Variants in PLCB4 observed in about 807,000 individuals in gnomAD.
PLCB4 encodes 1-phosphatidylinositol 4,5-bisphosphate phosphodiesterase beta-4.
Under a neutral mutation model 178.8 loss-of-function variants are expected in PLCB4, and 77 were observed. That is an observed-to-expected ratio of 0.43 (90% CI 0.36 to 0.52). PLCB4 has a LOEUF of 0.52. PLCB4 is among the 20% of genes least tolerant of loss of function. PLCB4 has a pLI of 0.00. For synonymous variants in PLCB4, 496 were observed against 490.8 expected (o/e 1.01, Z -0.14); for missense variants, 1,024 against 1,453.4 (o/e 0.70, Z 4.80).
intron 2 of PLCB4, among the ~76,000 whole-genome samples, chr20:9,097,946 C>A (rs750968522): frequency 1.3e-5 from 2 of 152,052 alleles, no homozygotes; most frequent in Non-Finnish European, 2.9e-5. Context: ...TAGAGCCACC[C>A]GTGTAAATTT....
At chr20:9,459,366 A>AC (rs2122436675) in intron 34 of PLCB4, among the ~76,000 whole-genome samples, 1 of 151,894 alleles carries the variant, frequency 6.6e-6, no homozygotes, top group Non-Finnish European at 1.5e-5. Flanking sequence ...AAACAAACAA[A>AC]AAACAAAACA....
intron 7 of PLCB4, among the ~76,000 whole-genome samples, chr20:9,350,130 T>G (rs2034195891): frequency 6.6e-6 from 1 of 152,060 alleles, no homozygotes; most frequent in Non-Finnish European, 1.5e-5. Context: ...TTTACATTTT[T>G]GAAGCGATGT....
At chr20:9,256,313 C>T (rs1250206051) in intron 3 of PLCB4, among the ~76,000 whole-genome samples, 2 of 152,136 alleles carry the variant, frequency 1.3e-5, no homozygotes, top group African/African-American at 4.8e-5. Flanking sequence ...AGTTGATGAG[C>T]CTTCACCCTG....
At chr20:9,444,540 A>G (rs1218612424) in intron 32 of PLCB4, among the ~76,000 whole-genome samples, 1 of 152,176 alleles carries the variant, frequency 6.6e-6, no homozygotes, top group Admixed American at 6.5e-5. Context: ...CAAGGTGGGT[A>G]GAATAGGATG....
chr20:9,414,380 G>A (rs1403466800), intron 25 of PLCB4, among the ~76,000 whole-genome samples: 1 of 152,186 alleles, frequency 6.6e-6, no homozygotes, highest in Non-Finnish European at 1.5e-5. Context: ...TGTGGGGCCC[G>A]GTGCTGCACA....
At chr20:9,391,461 C>T (rs1377952883) in intron 17 of PLCB4, among the ~76,000 whole-genome samples, 2 of 152,074 alleles carry the variant, frequency 1.3e-5, no homozygotes, top group Non-Finnish European at 2.9e-5. Flanking sequence ...GAGGTAGTGG[C>T]AGAAGAACAT....
Position 9,407,995 on chromosome 20 carries a change from T to C in PLCB4, c.1726T>C (p.Tyr576His). The C allele has an allele frequency of 1.2e-6, 2 of 1,613,354 alleles. No individual in the cohort carries two copies. Among genetic ancestry groups the C allele is most frequent in the Non-Finnish European group, 8.5e-7 (1 of 1,179,258 alleles). ...YVGATTNIHPYLSTMINYAQP... is the reference protein window; with the variant it reads ...YVGATTNIHPHLSTMINYAQP... ...AGGTGCTACCACTAATATCCATCCA[T>C]ATTTGTCCACAATGATCAACTACGC... Residue 576 changes from tyrosine (Y) to histidine (H), a missense_variant, in exon 22 of 40, where the codon TAT becomes CAT. Around this residue, in one of 7 missense-constraint regions of PLCB4, gnomAD observed 263 missense variants for 417.4 expected, o/e 0.63. Transcript: ENST00000378473.
chr20:9,244,569 G>T (rs1366535314), intron 3 of PLCB4, among the ~76,000 whole-genome samples: 1 of 152,204 alleles, frequency 6.6e-6, no homozygotes, highest in Non-Finnish European at 1.5e-5. Context: ...GTCTACGTGT[G>T]ATTGAAGTGT....
intron 7 of PLCB4, among the ~76,000 whole-genome samples, chr20:9,357,354 T>A (rs1188823743): frequency 1.3e-5 from 2 of 152,206 alleles, no homozygotes; most frequent in Non-Finnish European, 2.9e-5. Context: ...GTTTCCATTC[T>A]AGTGAACACA....
chr20:9,376,544 A>G (rs1040286946), intron 12 of PLCB4, among the ~76,000 whole-genome samples: 5 of 152,166 alleles, frequency 3.3e-5, no homozygotes, highest in African/African-American at 1.2e-4. Flanking sequence ...ACTAGAGTCC[A>G]GGAGGGATAG....
chr20:9,345,131 G>A (rs2033662395), intron 7 of PLCB4, among the ~76,000 whole-genome samples: 1 of 152,208 alleles, frequency 6.6e-6, no homozygotes, highest in Non-Finnish European at 1.5e-5. Flanking sequence ...GGAGGTTGCA[G>A]TGAGCCGAGA....
chr20:9,147,544 T>G (rs2092620466), intron 2 of PLCB4, among the ~76,000 whole-genome samples: 1 of 152,098 alleles, frequency 6.6e-6, no homozygotes, highest in Non-Finnish European at 1.5e-5. Context: ...CAGGCAGCGC[T>G]GGGTTAGTTC....
chr20:9,397,084 A>G (rs1447487667), intron 19 of PLCB4, among the ~76,000 whole-genome samples: 1 of 152,150 alleles, frequency 6.6e-6, no homozygotes, highest in Non-Finnish European at 1.5e-5. Context: ...CTTCTTTCAA[A>G]ATTGAAGCCA....
At chr20:9,217,162 TAG>T (rs1423542037) in intron 2 of PLCB4, among the ~76,000 whole-genome samples, 4 of 152,188 alleles carry the variant, frequency 2.6e-5, no homozygotes, top group Non-Finnish European at 4.4e-5. Flanking sequence ...AGCAGCATTG[TAG>T]AGAGAGTGTA....
chr20:9,305,429 C>T (rs181757945), intron 3 of PLCB4, among the ~76,000 whole-genome samples: 66 of 152,116 alleles, frequency 4.3e-4, no homozygotes, highest in Non-Finnish European at 2.2e-4. Context: ...AATGGTTTTA[C>T]TTCCCTTTGT....
At chr20:9,293,487 G>T (rs572488395) in intron 3 of PLCB4, among the ~76,000 whole-genome samples, 10 of 150,840 alleles carry the variant, frequency 6.6e-5, no homozygotes, top group African/African-American at 2.2e-4. Flanking sequence ...GAAAGAGGAC[G>T]AGAGGAAGGA....
intron 2 of PLCB4, among the ~76,000 whole-genome samples, chr20:9,209,907 T>C (rs921497931): frequency 3.7e-5 from 5 of 133,390 alleles, no homozygotes; most frequent in African/African-American, 5.9e-5. Context: ...AAGCTTGCAG[T>C]GAGTCGAGAT....
Position 9,393,608 on chromosome 20 carries a change from G to A in PLCB4, c.1344G>A (p.Leu448=). Residue 448 remains leucine (L), a synonymous_variant, in exon 18 of 40, where the codon TTG becomes TTA. Transcript: ENST00000378473. ...TCTAGCTTGAACCAGGCAGGGCTTT[G>A]CCATCCCCCAATGACCTCAAAAGAA... ...ESHPLEPGRA[L]PSPNDLKRKI... 1 of 1,612,354 alleles carries A rather than the reference G, an allele frequency of 6.2e-7. No individual in the cohort carries two copies. Among genetic ancestry groups the A allele is most frequent in the East Asian group, 2.2e-5 (1 of 44,872 alleles).
Position 9,268,579 on chromosome 20 carries a change from C to T in PLCB4, c.-15-39221C>T, listed in dbSNP as rs1251521658. ...ACTTTTAGAGTCAGTTTCACAGGAA[C>T]CTCGGGAACTAACAGCAGGAAAAGG... On this transcript the variant is annotated intron_variant, in intron 3 of 39. Coordinates refer to ENST00000378473, the MANE Select transcript of PLCB4 (RefSeq NM_001377142.1). 2.0e-5 allele frequency among the ~76,000 whole-genome samples: 3 copies of T among 152,040 alleles called. No individual in the cohort carries two copies. In the East Asian group the frequency reaches 5.8e-4, roughly 29 times the overall value.
Sources: allele counts gnomAD v4.1 joint callset (sites outside exome capture counted in the v4.1 genomes callset), GRCh38; gene constraint gnomAD v4.1.1; regional missense constraint gnomAD v4.1.1; transcripts MANE v1.5; gene names NCBI Gene and HGNC (gene_info 2026-07-23, HGNC 2026-07-21).